Variants in TUFT1 observed in about 807,000 individuals in gnomAD.
TUFT1 encodes tuftelin.
In TUFT1, 43 loss-of-function variants were observed where a neutral mutation model predicts 57.8. That is an observed-to-expected ratio of 0.74 (90% confidence interval 0.58 to 0.96). TUFT1 has a LOEUF of 0.96. TUFT1 is among the 40% of genes least tolerant of loss of function. The probability of loss-of-function intolerance (pLI) is 0.00; values close to 1 mark genes in which losing one functional copy is unlikely to be tolerated. For missense variants in TUFT1, 459 were observed against 489.0 expected, an observed-to-expected ratio of 0.94 and a Z score of 0.58; for synonymous variants, 166 against 176.7, an observed-to-expected ratio of 0.94 and a Z score of 0.48.
At chr1:151,575,132 C>A in intron 9 of TUFT1, 127 bp downstream of exon 9, 1 of 819,350 alleles carries the variant, frequency 1.2e-6, no homozygotes, top group Non-Finnish European at 1.9e-6. Context: ...GATCTTCCAG[C>A]TCTGACTCAC....
chr1:151,562,755 G>A, intron 3 of TUFT1, 69 bp downstream of exon 3: 1 of 1,335,090 alleles, frequency 7.5e-7, no homozygotes. Flanking sequence ...AGAAGGAGCA[G>A]TTGATGTTGT....
Position 151,541,907 on chromosome 1 carries a change from C to T in TUFT1, c.60+1481C>T, listed in dbSNP as rs148285802. Among the ~76,000 whole-genome samples the T allele has an allele frequency of 6.3e-3, 960 of 152,254 alleles. 6 individuals carry two copies. Among genetic ancestry groups the T allele is most frequent in the Non-Finnish European group, 0.011 (745 of 68,028 alleles). ...GGAGCTGCAGTACAGTGGCTCTTCA[C>T]GGGTGCAATCATAGCACACCACAGC... On this transcript the variant is annotated intron_variant, in intron 1 of 12. Transcript: ENST00000368849.
Position 151,582,490 on chromosome 1 carries a change from T to A in TUFT1, c.*783T>A. On this transcript the variant is annotated 3_prime_UTR_variant, in exon 13 of 13. Transcript: ENST00000368849. Reference sequence around the variant, plus strand: ...TTGACCCAGAGCCTGAAAACTGTTTTCACTGGGTTCCACCAGTCCCAGCAA... The same window carrying A: ...TTGACCCAGAGCCTGAAAACTGTTTACACTGGGTTCCACCAGTCCCAGCAA... The A allele has an allele frequency of 3.9e-6, 1 of 257,696 alleles. No individual in the cohort carries two copies. Among genetic ancestry groups the A allele is most frequent in the Non-Finnish European group, 7.7e-6 (1 of 129,654 alleles). The allele number at this position is 257,696 out of a possible 1,614,324, so 16.0% of individuals were successfully genotyped here. A position where few individuals can be genotyped will look rare whatever the true frequency, so the allele number is the denominator to read the frequency against.
intron 10 of TUFT1, among the ~76,000 whole-genome samples, chr1:151,579,320 A>C (rs1333648741): frequency 6.6e-6 from 1 of 152,210 alleles, no homozygotes; most frequent in East Asian, 1.9e-4. Flanking sequence ...GTTTTCCATT[A>C]TCTCGAACAG....
chr1:151,549,693 C>T (rs766390448), intron 1 of TUFT1, among the ~76,000 whole-genome samples: 4 of 152,216 alleles, frequency 2.6e-5, no homozygotes, highest in Non-Finnish European at 5.9e-5. Flanking sequence ...GGTCATCAAT[C>T]AGGACTCAGA....
intron 10 of TUFT1, 96 bp from the exon 11 acceptor site, chr1:151,579,552 AG>A (rs2102558899): frequency 8.5e-7 from 1 of 1,169,854 alleles, no homozygotes; most frequent in East Asian, 2.5e-5. Context: ...ATGGAGTTGC[AG>A]GGCTCTGCTG....
chr1:151,563,912 G>GAACCC lies in TUFT1; in HGVS notation c.248_249insCCCAA (p.Lys83AsnfsTer10). ...TGGTGTTCTTATTTCAGGTGTACTT[G>GAACCC]AAGGGGAGGTCTGGAGACAAGATGA... is the stretch of plus-strand genomic sequence containing the variant. On this transcript the variant is annotated frameshift_variant, in exon 4 of 13. Transcript: ENST00000368849. LOFTEE classifies it high-confidence loss of function. 6.2e-7 allele frequency: 1 copy of GAACCC among 1,614,082 alleles called. No individual in the cohort carries two copies. The highest frequency in any genetic ancestry group is 8.5e-7 in the Non-Finnish European group (1 of 1,179,970).
At chr1:151,570,617 T>C (rs1470733571) in intron 7 of TUFT1, among the ~76,000 whole-genome samples, 3 of 152,092 alleles carry the variant, frequency 2.0e-5, no homozygotes, top group South Asian at 4.2e-4. Context: ...AATACAGAAA[T>C]CTATAAATGG....
At chr1:151,579,529 C>T (rs758861781) in intron 10 of TUFT1, 120 bp from the exon 11 acceptor site, 1 of 871,836 alleles carries the variant, frequency 1.1e-6, no homozygotes, top group Non-Finnish European at 1.8e-6. Flanking sequence ...TGTAGAAAAG[C>T]TAATGAAGTC....
intron 1 of TUFT1, 42 bp from the exon 2 acceptor site, chr1:151,562,049 G>A (rs1056073292): frequency 1.7e-5 from 28 of 1,600,410 alleles, no homozygotes; most frequent in Non-Finnish European, 2.4e-5. Flanking sequence ...CCTGTAGACT[G>A]TAAAGTTGAG....
chr1:151,564,375 T>A lies in TUFT1; in HGVS notation c.325-150T>A, dbSNP rs1007282587. 3.2e-5 allele frequency: 20 copies of A among 624,730 alleles called. No individual in the cohort carries two copies. In the East Asian group the frequency reaches 5.5e-4, roughly 17 times the overall value. The allele number at this position is 624,730 out of a possible 1,614,324, so 38.7% of individuals were successfully genotyped here. ...ACAAGAATGTCAGCTGTAGCTCCAC[T>A]TGACCAAGGTCCCTCCCTCCATCCT... is the stretch of plus-strand genomic sequence containing the variant. On this transcript the variant is annotated intron_variant, in intron 4 of 12. Coordinates refer to ENST00000368849, the MANE Select transcript of TUFT1 (RefSeq NM_020127.3).
At chr1:151,578,956 G>A (rs1212013494) in intron 10 of TUFT1, 130 bp downstream of exon 10, 4 of 681,608 alleles carry the variant, frequency 5.9e-6, no homozygotes, top group African/African-American at 3.7e-5. Flanking sequence ...CCAATTACCA[G>A]GTTCAGGTTA....
At chr1:151,544,751 C>T (rs1336052367) in intron 1 of TUFT1, among the ~76,000 whole-genome samples, 1 of 152,066 alleles carries the variant, frequency 6.6e-6, no homozygotes, top group Non-Finnish European at 1.5e-5. Flanking sequence ...AATAGCAGTC[C>T]CCTGCTCCAA....
intron 11 of TUFT1, among the ~76,000 whole-genome samples, chr1:151,580,072 G>GCATT (rs927123621): frequency 1.3e-5 from 2 of 152,166 alleles, no homozygotes; most frequent in Non-Finnish European, 2.9e-5. Flanking sequence ...GGAGGAGGAG[G>GCATT]CATTCATACA....
intron 1 of TUFT1, among the ~76,000 whole-genome samples, chr1:151,543,550 C>G (rs1665233554): frequency 6.6e-6 from 1 of 152,066 alleles, no homozygotes; most frequent in Non-Finnish European, 1.5e-5. Context: ...TCCAGCTAAA[C>G]TAAGCAGATG....
chr1:151,580,814 G>A, intron 11 of TUFT1, 128 bp from the exon 12 acceptor site: 3 of 741,554 alleles, frequency 4.0e-6, no homozygotes, highest in Non-Finnish European at 7.0e-6. Flanking sequence ...TCCAGGTGGT[G>A]GCACGCATGG....
Position 151,575,002 on chromosome 1 carries a change from A to G in TUFT1, c.815A>G (p.Glu272Gly), listed in dbSNP as rs1000994135. 1 of 1,559,364 alleles carries G rather than the reference A, an allele frequency of 6.4e-7. No homozygotes were observed. Among genetic ancestry groups the G allele is most frequent in the African/African-American group, 1.4e-5 (1 of 73,632 alleles). ...AATGCTGACTGCCAAGCAGAACGAG[A>G]AAAGTAAGGGCTTGGCTCTTGTTCA... Reference protein sequence around the residue: ...SNNADCQAEREKAATLEKEVA... With the variant: ...SNNADCQAERGKAATLEKEVA... The change falls in exon 9 of 13, where the codon GAA (glutamate) becomes GGA (glycine). Residue 272 changes from glutamate (E) to glycine (G), a missense_variant. Coordinates refer to ENST00000368849, the MANE Select transcript of TUFT1 (RefSeq NM_020127.3).
Position 151,581,991 on chromosome 1 carries a change from A to G in TUFT1, c.*284A>G. On this transcript the variant is annotated 3_prime_UTR_variant, in exon 13 of 13. Coordinates refer to ENST00000368849, the MANE Select transcript of TUFT1 (RefSeq NM_020127.3). ...CTACAGTGACTATTTTTCTCTGTAGAGAGCCTCCCTTCTGTTGTAGACTGG... is the reference window on the plus strand; with the variant it reads ...CTACAGTGACTATTTTTCTCTGTAGGGAGCCTCCCTTCTGTTGTAGACTGG... 5.2e-6 allele frequency: 3 copies of G among 574,970 alleles called. No homozygotes were observed. The South Asian group carries it at 5.3e-5, about 10-fold the overall frequency. 35.6% of individuals were successfully genotyped at this position (574,970 alleles called of 1,614,324 possible).
rs1049203746 is a variant in TUFT1 at position 151,549,521 on chromosome 1, G to A, written c.60+9095G>A. On this transcript the variant is annotated intron_variant, in intron 1 of 12. Coordinates refer to ENST00000368849, the MANE Select transcript of TUFT1 (RefSeq NM_020127.3). ...CAGAGCTACTTGGGAAAGTAATGCT[G>A]CTTCACCCTTGTGAAGAGATGTATG... Among the ~76,000 whole-genome samples, 70 of 152,324 alleles carry A rather than the reference G, an allele frequency of 4.6e-4. 1 individual carries two copies. Among genetic ancestry groups the A allele is most frequent in the African/African-American group, 1.6e-3 (67 of 41,568 alleles).
Sources: gnomAD v4.1 joint callset for allele counts (sites outside exome capture counted in the v4.1 genomes callset) on GRCh38, gnomAD v4.1.1 for gene constraint, MANE v1.5 for transcripts, NCBI Gene and HGNC (gene_info 2026-07-23, HGNC 2026-07-21) for gene names.